Variants in IRF8 observed in about 807,000 individuals in gnomAD.
The protein encoded by IRF8 is interferon regulatory factor 8.
IRF8 carries 14 observed loss-of-function variants against 48.7 expected under a neutral mutation model. That is an observed-to-expected ratio of 0.29 (90% CI 0.19 to 0.45). The LOEUF is 0.45. IRF8 is among the 20% of genes least tolerant of loss of function. IRF8 has a pLI of 1.00. For synonymous variants in IRF8, 278 were observed against 227.3 expected (o/e 1.22, Z -2.01); for missense variants, 493 against 580.7 (o/e 0.85, Z 1.55).
Position 85,921,514 on chromosome 16 carries a change from A to T in IRF8, c.*232A>T. 1 of 561,408 alleles carries T rather than the reference A, an allele frequency of 1.8e-6. No homozygotes were observed. The highest frequency in any genetic ancestry group is 3.2e-6 in the Non-Finnish European group (1 of 313,042). The allele number at this position is 561,408 out of a possible 1,614,324, so 34.8% of individuals were successfully genotyped here. On this transcript the variant is annotated 3_prime_UTR_variant, in exon 9 of 9. Transcript: ENST00000268638. ...GATGCTGTAACCACAACCTGTGGCTAAAAATTTTATTTTCTATCCTTTACC... is the reference window on the plus strand; with the variant it reads ...GATGCTGTAACCACAACCTGTGGCTTAAAATTTTATTTTCTATCCTTTACC...
At chr16:85,904,221 G>C in intron 2 of IRF8, among the ~76,000 whole-genome samples, 1 of 152,152 alleles carries the variant, frequency 6.6e-6, no homozygotes, top group East Asian at 1.9e-4. Flanking sequence ...CCATTGCCAT[G>C]TGTGCTTATT....
In IRF8 at chr16:85,922,030, A is replaced by G. The variant is rs920169149; in HGVS notation, c.*748A>G. 1 of 152,408 alleles carries G rather than the reference A, an allele frequency of 6.6e-6. No individual in the cohort carries two copies. Among genetic ancestry groups the G allele is most frequent in the Non-Finnish European group, 1.5e-5 (1 of 68,076 alleles). 9.4% of individuals were successfully genotyped at this position (152,408 alleles called of 1,614,324 possible). A position where few individuals can be genotyped will look rare whatever the true frequency, so the allele number is the denominator to read the frequency against. ...CCAGATACCTCTTTTCTTCTTTCCAAATGGTTTTCACATGTGTTTGAAATA... is the reference window on the plus strand; with the variant it reads ...CCAGATACCTCTTTTCTTCTTTCCAGATGGTTTTCACATGTGTTTGAAATA... On this transcript the variant is annotated 3_prime_UTR_variant, in exon 9 of 9. Transcript: ENST00000268638.
intron 1 of IRF8, among the ~76,000 whole-genome samples, chr16:85,899,690 T>C (rs1904764604): frequency 6.6e-6 from 1 of 152,236 alleles, no homozygotes; most frequent in South Asian, 2.1e-4. Context: ...TCTAAAATTC[T>C]GTTTAATGAC....
intron 2 of IRF8, among the ~76,000 whole-genome samples, chr16:85,906,133 A>G (rs1310868309): frequency 6.6e-6 from 1 of 152,250 alleles, no homozygotes; most frequent in Non-Finnish European, 1.5e-5. Context: ...AATGAGTTAA[A>G]GCTCACTTAG....
At chr16:85,914,412 G>A (rs1029434073) in intron 5 of IRF8, 61 bp from the exon 6 acceptor site, 2 of 1,600,208 alleles carry the variant, frequency 1.2e-6, no homozygotes, top group Non-Finnish European at 1.7e-6. Flanking sequence ...GAGCGATTGG[G>A]GTTACTCCCT....
rs143641276 is a variant in IRF8, at chr16:85,914,646, A to G, written c.601+126A>G. ...GGTGTGGAAGTCTAGGCCTGGTTCC[A>G]AGGATGAGCAGGACCTGGTGTGGAA... On this transcript the variant is annotated intron_variant, in intron 6 of 8. Transcript: ENST00000268638. 5,076 of 1,036,764 alleles carry G rather than the reference A, an allele frequency of 4.9e-3. 159 individuals are homozygous for G. The Admixed American group carries it at 0.064, about 13-fold the overall frequency. The allele number at this position is 1,036,764 out of a possible 1,614,324, so 64.2% of individuals were successfully genotyped here. A position where few individuals can be genotyped will look rare whatever the true frequency, so the allele number is the denominator to read the frequency against.
chr16:85,909,264 T>A, intron 3 of IRF8, 91 bp downstream of exon 3: 1 of 986,398 alleles, frequency 1.0e-6, no homozygotes, highest in South Asian at 1.3e-5. Context: ...AGACACAGGG[T>A]CTGGGGCACA....
intron 6 of IRF8, among the ~76,000 whole-genome samples, chr16:85,917,395 C>A (rs973148905): frequency 6.6e-6 from 1 of 152,202 alleles, no homozygotes; most frequent in East Asian, 1.9e-4. Flanking sequence ...ACTTTGGTCA[C>A]TTGAGGTCCA....
At chr16:85,906,931 G>A (rs1290791032) in intron 2 of IRF8, among the ~76,000 whole-genome samples, 4 of 152,146 alleles carry the variant, frequency 2.6e-5, no homozygotes, top group Non-Finnish European at 4.4e-5. Context: ...GGCTTGCCAC[G>A]GTGGGGAAAC....
intron 3 of IRF8, 72 bp from the exon 4 acceptor site, chr16:85,911,498 T>A (rs1905140615): frequency 8.1e-7 from 1 of 1,237,160 alleles, no homozygotes; most frequent in Admixed American, 1.7e-5. Flanking sequence ...ATTTACAGAG[T>A]AGATTATGGC....
intron 2 of IRF8, among the ~76,000 whole-genome samples, chr16:85,908,530 T>G (rs1356866958): frequency 6.6e-6 from 1 of 152,262 alleles, no homozygotes; most frequent in Non-Finnish European, 1.5e-5. Flanking sequence ...ATGACCATTT[T>G]GACTTTTTGC....
chr16:85,921,903 G>C lies in IRF8; in HGVS notation c.*621G>C, dbSNP rs1294942530. ...TATGTGTTCATATCCAGGCAAACGG[G>C]TGTGTTTTTATCTTCAGACAATGAA... On this transcript the variant is annotated 3_prime_UTR_variant, in exon 9 of 9. Transcript: ENST00000268638. 1.3e-5 allele frequency: 2 copies of C among 153,066 alleles called. No homozygotes were observed. Among genetic ancestry groups the C allele is most frequent in the East Asian group, 1.9e-4 (1 of 5,336 alleles). The allele number at this position is 153,066 out of a possible 1,614,324, so 9.5% of individuals were successfully genotyped here.
intron 6 of IRF8, among the ~76,000 whole-genome samples, chr16:85,917,136 G>T (rs1333749903): frequency 6.6e-6 from 1 of 152,150 alleles, no homozygotes; most frequent in African/African-American, 2.4e-5. Context: ...AATGCAGATG[G>T]ACTCAGGGCC....
intron 8 of IRF8, 90 bp from the exon 9 acceptor site, chr16:85,921,016 T>A (rs887888459): frequency 1.5e-6 from 2 of 1,304,000 alleles, no homozygotes; most frequent in African/African-American, 2.9e-5. Flanking sequence ...GGCACTGGGG[T>A]CATCAGAGGA....
At chr16:85,899,654 G>C (rs1185254419) in intron 1 of IRF8, among the ~76,000 whole-genome samples, 1 of 152,296 alleles carries the variant, frequency 6.6e-6, no homozygotes, top group Non-Finnish European at 1.5e-5. Context: ...CTGAGGGTTA[G>C]TTTGTGAAGG....
chr16:85,901,744 G>C (rs940561892), intron 1 of IRF8, among the ~76,000 whole-genome samples: 1 of 152,114 alleles, frequency 6.6e-6, no homozygotes, highest in African/African-American at 2.4e-5. Context: ...CCGTCTCATG[G>C]CCACCTGCAG....
In IRF8 at chr16:85,909,282, A is replaced by C. The variant is rs1905081781; in HGVS notation, c.358+109A>C. The C allele has an allele frequency of 5.9e-6, 5 of 841,366 alleles. No homozygotes were observed. The Admixed American group carries it at 1.0e-4, about 17-fold the overall frequency. The allele number at this position is 841,366 out of a possible 1,614,324, so 52.1% of individuals were successfully genotyped here. ...CACAGGGTCTGGGGCACATAGTTTC[A>C]GTTAAACAAAGCAGTTCTCTCCTTC... On this transcript the variant is annotated intron_variant, in intron 3 of 8. Coordinates refer to ENST00000268638, the MANE Select transcript of IRF8 (RefSeq NM_002163.4).
At chr16:85,914,225 T>C (rs1176014519) in intron 5 of IRF8, 1 of 550,466 alleles carries the variant, frequency 1.8e-6, no homozygotes, top group Non-Finnish European at 3.3e-6. Context: ...CATTGACACA[T>C]GGTCAGAAAT....
At position 85,921,192 on chromosome 16, in the gene IRF8, G is replaced by A. The variant is rs780778700; in HGVS notation, c.1191G>A (p.Pro397=). 7.4e-6 allele frequency: 12 copies of A among 1,614,158 alleles called. No individual in the cohort carries two copies. The highest frequency in any genetic ancestry group is 1.3e-5 in the African/African-American group (1 of 75,056). ...CTGTGATGCAGGCCCCCGAGGAGCC[G>A]CCGCCAGACCAGGTCTTCCGGATGT... ...AGSVMQAPEE[P]PPDQVFRMFP... is the part of the protein sequence containing the mutation. Residue 397 remains proline, a synonymous_variant, in exon 9 of 9, where the codon CCG becomes CCA. Transcript: ENST00000268638.
Sources: gnomAD v4.1 joint callset for allele counts (sites outside exome capture counted in the v4.1 genomes callset) on GRCh38, gnomAD v4.1.1 for gene constraint, MANE v1.5 for transcripts, NCBI Gene and HGNC (gene_info 2026-07-23, HGNC 2026-07-21) for gene names.